Variants in PTPRT observed in about 807,000 individuals in gnomAD.
PTPRT encodes the protein receptor-type tyrosine-protein phosphatase T.
In PTPRT, 56 loss-of-function variants were observed where a neutral mutation model predicts 176.8. The observed-to-expected ratio is 0.32, with a 90% CI of 0.26 to 0.40. The LOEUF (loss-of-function observed/expected upper bound fraction) is 0.40. PTPRT is among the 10% of genes least tolerant of loss of function. The probability of loss-of-function intolerance (pLI) is 1.00; values close to 1 mark genes in which losing one functional copy is unlikely to be tolerated. For missense variants in PTPRT, 1,540 were observed against 1,908.2 expected, an observed-to-expected ratio of 0.81 and a Z score of 3.60; for synonymous variants, 783 against 739.0, an observed-to-expected ratio of 1.06 and a Z score of -0.96.
intron 9 of PTPRT, among the ~76,000 whole-genome samples, chr20:42,376,027 C>G (rs2058645906): frequency 6.6e-6 from 1 of 152,156 alleles, no homozygotes; most frequent in African/African-American, 2.4e-5. Context: ...TGTGGAAGCT[C>G]TACAAATTAA....
At chr20:42,503,924 T>C (rs1417443672) in intron 7 of PTPRT, among the ~76,000 whole-genome samples, 1 of 152,120 alleles carries the variant, frequency 6.6e-6, no homozygotes, top group Non-Finnish European at 1.5e-5. Flanking sequence ...CTCCCTCACT[T>C]CATTCAGGTC....
At chr20:42,496,036 TA>T (rs1170547665) in intron 7 of PTPRT, among the ~76,000 whole-genome samples, 1 of 152,140 alleles carries the variant, frequency 6.6e-6, no homozygotes, top group Non-Finnish European at 1.5e-5. Flanking sequence ...ATTCTTACAA[TA>T]AAGTAAGCTA....
In PTPRT at chr20:42,862,062, C is replaced by T. The variant is rs147481401; in HGVS notation, c.214+23745G>A. ...CACGCACACACACACACACAAGACA[C>T]TATCTTTTCAACATATAAACAATAT... is the stretch of plus-strand genomic sequence containing the variant. On this transcript the variant is annotated intron_variant, in intron 2 of 30. Transcript: ENST00000373187. Among the ~76,000 whole-genome samples the T allele has an allele frequency of 3.9e-5, 6 of 152,288 alleles. No individual in the cohort carries two copies. In the East Asian group the frequency reaches 7.7e-4, roughly 20 times the overall value.
At chr20:43,041,470 T>C (rs997202872) in intron 1 of PTPRT, among the ~76,000 whole-genome samples, 1 of 152,234 alleles carries the variant, frequency 6.6e-6, no homozygotes, top group African/African-American at 2.4e-5. Flanking sequence ...GACTCCTGTG[T>C]GTGGACAACA....
chr20:42,596,806 A>G (rs1384328579), intron 7 of PTPRT, among the ~76,000 whole-genome samples: 1 of 152,252 alleles, frequency 6.6e-6, no homozygotes, highest in East Asian at 1.9e-4. Flanking sequence ...GATTAGCAAA[A>G]ATGTAAGAGG....
At chr20:42,238,074 C>T (rs1319779051) in intron 14 of PTPRT, among the ~76,000 whole-genome samples, 1 of 152,166 alleles carries the variant, frequency 6.6e-6, no homozygotes, top group Non-Finnish European at 1.5e-5. Context: ...ATCTCCTCTT[C>T]ACAGCAACTC....
chr20:43,086,072 C>T (rs2011595963), intron 1 of PTPRT, among the ~76,000 whole-genome samples: 1 of 152,162 alleles, frequency 6.6e-6, no homozygotes, highest in African/African-American at 2.4e-5. Flanking sequence ...CCAAGACAAG[C>T]ATCTAAAGGG....
intron 1 of PTPRT, among the ~76,000 whole-genome samples, chr20:42,974,300 C>T (rs1982819021): frequency 6.6e-6 from 1 of 152,176 alleles, no homozygotes. Context: ...TATTTTCTTG[C>T]CAACTACAGC....
chr20:42,102,655 G>T (rs752522332), intron 25 of PTPRT, among the ~76,000 whole-genome samples: 2 of 152,288 alleles, frequency 1.3e-5, no homozygotes, highest in South Asian at 2.1e-4. Flanking sequence ...ACAGAGGGGT[G>T]GGGGTAGGGA....
chr20:43,098,496 C>T (rs984381699), intron 1 of PTPRT, among the ~76,000 whole-genome samples: 3 of 151,922 alleles, frequency 2.0e-5, no homozygotes, highest in East Asian at 3.9e-4. Flanking sequence ...AAATAAGAAG[C>T]GCTCCCTCAT....
At chr20:42,855,976 C>A (rs369415876) in intron 2 of PTPRT, among the ~76,000 whole-genome samples, 1 of 151,800 alleles carries the variant, frequency 6.6e-6, no homozygotes, top group Non-Finnish European at 1.5e-5. Context: ...TGGGCAAAGA[C>A]AAGAAAATGA....
intron 7 of PTPRT, among the ~76,000 whole-genome samples, chr20:42,476,161 A>G (rs569969181): frequency 1.3e-5 from 2 of 152,220 alleles, no homozygotes; most frequent in East Asian, 3.9e-4. Flanking sequence ...AACAGTAGGT[A>G]CTCCTTTTAG....
intron 14 of PTPRT, among the ~76,000 whole-genome samples, chr20:42,238,877 C>A (rs2056296627): frequency 6.6e-6 from 1 of 152,106 alleles, no homozygotes; most frequent in South Asian, 2.1e-4. Flanking sequence ...CACTAAACAG[C>A]CCTGAGTCCC....
In PTPRT at chr20:43,033,706, G is replaced by A. The variant is rs116634087; in HGVS notation, c.89-147774C>T. 3.5e-3 allele frequency among the ~76,000 whole-genome samples: 528 copies of A among 152,322 alleles called. 2 individuals are homozygous for A. The highest frequency in any genetic ancestry group is 0.012 in the African/African-American group (489 of 41,582). The stretch of plus-strand genomic sequence containing the variant: ...ATAAGGTAATTTTACCTCCAAATCT[G>A]CAAGGAGCTCAGCAGATGAAGCACA... On this transcript the variant is annotated intron_variant, in intron 1 of 30. Transcript: ENST00000373187.
intron 16 of PTPRT, among the ~76,000 whole-genome samples, chr20:42,191,176 A>C (rs1038134958): frequency 1.2e-5 from 1 of 82,466 alleles, no homozygotes; most frequent in Admixed American, 1.0e-4. Flanking sequence ...AACCAGAAAT[A>C]AAAAAAAAAA....
At chr20:42,477,052 C>T (rs2145312988) in intron 7 of PTPRT, among the ~76,000 whole-genome samples, 1 of 152,336 alleles carries the variant, frequency 6.6e-6, no homozygotes, top group African/African-American at 2.4e-5. Flanking sequence ...AAGTGTGCAG[C>T]GACCTCAGTC....
chr20:42,874,923 T>G (rs1307927460), intron 2 of PTPRT, among the ~76,000 whole-genome samples: 2 of 152,202 alleles, frequency 1.3e-5, no homozygotes, highest in Non-Finnish European at 2.9e-5. Flanking sequence ...AGTTTTGCTT[T>G]CGTTGCTCAG....
intron 6 of PTPRT, among the ~76,000 whole-genome samples, chr20:42,703,356 A>C (rs949036091): frequency 2.0e-5 from 3 of 152,218 alleles, no homozygotes; most frequent in Non-Finnish European, 4.4e-5. Flanking sequence ...TCTGTTGAGT[A>C]ACAAAAACAA....
chr20:42,352,054 T>C (rs751150271), intron 10 of PTPRT, 30 bp downstream of exon 10: 1 of 1,597,056 alleles, frequency 6.3e-7, no homozygotes, highest in Non-Finnish European at 8.6e-7. Context: ...GAAACAACCT[T>C]TTTTCCTTTT....
Sources: gnomAD v4.1 joint callset for allele counts (sites outside exome capture counted in the v4.1 genomes callset) on GRCh38, gnomAD v4.1.1 for gene constraint, MANE v1.5 for transcripts, NCBI Gene and HGNC (gene_info 2026-07-23, HGNC 2026-07-21) for gene names.